Variants in UCK2 observed in about 807,000 individuals in gnomAD.
The protein encoded by UCK2 is uridine-cytidine kinase 2.
UCK2 carries 6 observed loss-of-function variants against 30.8 expected under a neutral mutation model. That is an observed-to-expected ratio of 0.19 (90% confidence interval 0.11 to 0.38). The LOEUF (loss-of-function observed/expected upper bound fraction) is 0.38. UCK2 is among the 10% of genes least tolerant of loss of function. The pLI, the probability that UCK2 is intolerant of heterozygous loss-of-function variation, is 1.00. For synonymous variants in UCK2, 125 were observed against 133.6 expected, an observed-to-expected ratio of 0.94 and a Z score of 0.45; for missense variants, 210 against 339.8, an observed-to-expected ratio of 0.62 and a Z score of 3.00.
At position 165,910,031 on chromosome 1, in the gene UCK2, A is replaced by G. The variant is rs1419390598; in HGVS notation, c.*2208A>G. On this transcript the variant is annotated 3_prime_UTR_variant, in exon 7 of 7. Transcript: ENST00000367879. Reference sequence around the variant, plus strand: ...CTGTGGTGTTGGGACCAAGCCTCCAATATCTCTGAATAGCCCACTCCTAGC... The same window carrying G: ...CTGTGGTGTTGGGACCAAGCCTCCAGTATCTCTGAATAGCCCACTCCTAGC... The G allele has an allele frequency of 6.6e-6, 1 of 152,090 alleles. No homozygotes were observed. Among genetic ancestry groups the G allele is most frequent in the Non-Finnish European group, 1.5e-5 (1 of 68,064 alleles). 9.4% of individuals were successfully genotyped at this position (152,090 alleles called of 1,614,324 possible).
chr1:165,901,947 CAAAA>C (rs35032034), intron 4 of UCK2, among the ~76,000 whole-genome samples: 2 of 109,156 alleles, frequency 1.8e-5, no homozygotes, highest in Non-Finnish European at 1.8e-5. Context: ...CCGTGTCTAC[CAAAA>C]AAAAAAAAAA....
chr1:165,833,845 T>G (rs1166944451), intron 1 of UCK2, among the ~76,000 whole-genome samples: 1 of 152,148 alleles, frequency 6.6e-6, no homozygotes, highest in Non-Finnish European at 1.5e-5. Context: ...TCTGTATGCT[T>G]TCGTGTCCAT....
At chr1:165,896,066 C>T in intron 3 of UCK2, 124 bp from the exon 4 acceptor site, 1 of 1,266,216 alleles carries the variant, frequency 7.9e-7, no homozygotes, top group Non-Finnish European at 1.1e-6. Flanking sequence ...GTCTTTAGCC[C>T]CCGCTTGAAG....
intron 1 of UCK2, among the ~76,000 whole-genome samples, chr1:165,845,695 T>C (rs1452978633): frequency 6.6e-6 from 1 of 152,188 alleles, no homozygotes; most frequent in Admixed American, 6.5e-5. Context: ...TGAGACACAG[T>C]CTCGCTCTGT....
At chr1:165,851,822 T>C (rs1191960759) in intron 1 of UCK2, among the ~76,000 whole-genome samples, 1 of 152,186 alleles carries the variant, frequency 6.6e-6, no homozygotes, top group Non-Finnish European at 1.5e-5. Context: ...AACTTGCACT[T>C]ACGAGTGAGA....
At chr1:165,872,761 C>T (rs527649566) in intron 1 of UCK2, among the ~76,000 whole-genome samples, 1 of 152,192 alleles carries the variant, frequency 6.6e-6, no homozygotes, top group South Asian at 2.1e-4. Flanking sequence ...TATAAGTGAA[C>T]GAAGGTGCAG....
At chr1:165,854,230 T>A (rs1450127035) in intron 1 of UCK2, among the ~76,000 whole-genome samples, 1 of 152,218 alleles carries the variant, frequency 6.6e-6, no homozygotes, top group Non-Finnish European at 1.5e-5. Context: ...GTCTGTGTGA[T>A]CTCACACAAA....
intron 1 of UCK2, chr1:165,885,185 C>T (rs1446195888): frequency 1.0e-5 from 4 of 385,364 alleles, no homozygotes; most frequent in South Asian, 1.5e-4. Flanking sequence ...AATGCCAAAG[C>T]GGCTTATGTT....
At chr1:165,865,415 C>T (rs1655023415) in intron 1 of UCK2, among the ~76,000 whole-genome samples, 1 of 152,132 alleles carries the variant, frequency 6.6e-6, no homozygotes, top group South Asian at 2.1e-4. Context: ...CCCTGCAAAG[C>T]ATGGCAAGTG....
At chr1:165,827,979 G>A (rs770686666) in intron 1 of UCK2, 47 bp downstream of exon 1, 17 of 1,248,746 alleles carry the variant, frequency 1.4e-5, no homozygotes, top group Non-Finnish European at 1.6e-5. Flanking sequence ...TTCTGTCCCT[G>A]GGCGGCGCAT....
chr1:165,903,319 T>A (rs757866280), intron 5 of UCK2, 40 bp downstream of exon 5: 27 of 1,584,592 alleles, frequency 1.7e-5, no homozygotes, highest in African/African-American at 2.7e-5. Context: ...GAATGTAGAA[T>A]TTAAAATTTG....
chr1:165,848,826 T>C (rs951323587), intron 1 of UCK2, among the ~76,000 whole-genome samples: 3 of 152,172 alleles, frequency 2.0e-5, no homozygotes, highest in African/African-American at 7.2e-5. Context: ...CTTAAGTTTC[T>C]ACCCATAGAA....
At chr1:165,904,522 C>T (rs1647586480) in intron 5 of UCK2, among the ~76,000 whole-genome samples, 1 of 152,230 alleles carries the variant, frequency 6.6e-6, no homozygotes, top group Admixed American at 6.5e-5. Flanking sequence ...TATTGGATAT[C>T]AGTCATATTT....
At chr1:165,891,157 C>T in intron 2 of UCK2, 69 bp from the exon 3 acceptor site, 1 of 1,339,270 alleles carries the variant, frequency 7.5e-7, no homozygotes, top group Non-Finnish European at 1.1e-6. Context: ...TATGAGGATG[C>T]CTTGTGTATG....
At chr1:165,841,111 G>GTATATATATATA (rs61030546) in intron 1 of UCK2, among the ~76,000 whole-genome samples, 3 of 144,932 alleles carry the variant, frequency 2.1e-5, no homozygotes, top group African/African-American at 5.2e-5. Context: ...GTGTGTGTGT[G>GTATATATATATA]TATATATATA....
chr1:165,903,303 T>C (rs764815761), intron 5 of UCK2, 24 bp downstream of exon 5: 15 of 1,604,250 alleles, frequency 9.4e-6, no homozygotes, highest in Non-Finnish European at 1.3e-5. Flanking sequence ...TTGGTTTGTT[T>C]TTGTTGAATG....
intron 4 of UCK2, 137 bp downstream of exon 4, chr1:165,896,469 A>G (rs1324963942): frequency 2.0e-6 from 2 of 978,672 alleles, no homozygotes; most frequent in Admixed American, 2.2e-5. Flanking sequence ...CGCATGGTCC[A>G]GCCCGGCTGC....
chr1:165,878,001 A>G (rs1655381704), intron 1 of UCK2, among the ~76,000 whole-genome samples: 1 of 152,136 alleles, frequency 6.6e-6, no homozygotes, highest in Admixed American at 6.5e-5. Context: ...ACAAGTTAAT[A>G]GTTGACATTA....
intron 1 of UCK2, among the ~76,000 whole-genome samples, chr1:165,877,432 C>T (rs552323393): frequency 2.4e-3 from 360 of 152,290 alleles, no homozygotes; most frequent in African/African-American, 7.8e-3. Flanking sequence ...TTACCTGCCC[C>T]GGATTTCCCG....
Sources: gnomAD v4.1 joint callset for allele counts (sites outside exome capture counted in the v4.1 genomes callset) on GRCh38, gnomAD v4.1.1 for gene constraint, MANE v1.5 for transcripts, NCBI Gene and HGNC (gene_info 2026-07-23, HGNC 2026-07-21) for gene names.